Variants in CSNK1E observed in about 807,000 individuals in gnomAD.
The protein encoded by CSNK1E is casein kinase 1 epsilon.
CSNK1E carries 17 observed loss-of-function variants against 46.1 expected under a neutral mutation model. That is an observed-to-expected ratio of 0.37 (90% confidence interval 0.25 to 0.55). CSNK1E has a LOEUF of 0.55. Among genes scored for constraint, CSNK1E ranks in the 20% least tolerant of loss-of-function variants. The probability of loss-of-function intolerance (pLI) is 0.82; values close to 1 mark genes in which losing one functional copy is unlikely to be tolerated. For synonymous variants in CSNK1E, 241 were observed against 242.6 expected (o/e 0.99, Z 0.06); for missense variants, 386 against 595.4 (o/e 0.65, Z 3.66).
intron 2 of CSNK1E, among the ~76,000 whole-genome samples, chr22:38,310,316 C>A (rs1310776912): frequency 6.6e-6 from 1 of 152,182 alleles, no homozygotes; most frequent in African/African-American, 2.4e-5. Context: ...TTGGACTTGG[C>A]TGGCCCTAGA....
rs976839095 is a variant in CSNK1E at position 38,299,047 on chromosome 22, A to C, written c.737-113T>G. On this transcript the variant is annotated intron_variant, in intron 6 of 10. Transcript: ENST00000396832. The stretch of plus-strand genomic sequence containing the variant: ...TGTCCCTAGATACTTCCAATCTGTG[A>C]GAGGCAAGAAAAGGAGGCAACAGAG... 6.4e-6 allele frequency: 8 copies of C among 1,249,114 alleles called. No individual in the cohort carries two copies. The African/African-American group carries it at 1.2e-4, about 19-fold the overall frequency. 77.4% of individuals were successfully genotyped at this position (1,249,114 alleles called of 1,614,324 possible). A position where few individuals can be genotyped will look rare whatever the true frequency, so the allele number is the denominator to read the frequency against.
At chr22:38,296,276 C>T in intron 7 of CSNK1E, 1 of 1,216,832 alleles carries the variant, frequency 8.2e-7, no homozygotes. Flanking sequence ...ATCCACCCGT[C>T]ATCATATGGA....
chr22:38,299,197 C>T (rs770071233), intron 6 of CSNK1E, among the ~76,000 whole-genome samples: 8 of 152,240 alleles, frequency 5.3e-5, no homozygotes, highest in Non-Finnish European at 8.8e-5. Flanking sequence ...TAGCCGGATC[C>T]AGGAGCCATC....
Position 38,314,177 on chromosome 22 carries a change from G to C in CSNK1E, c.-12-8C>G. ...CTCCATGGCTCACTCTTGCTGCAGA[G>C]GAAGCAGGAACATGAGGGTCAGCGA... On this transcript the variant is annotated splice_region_variant and splice_polypyrimidine_tract_variant and intron_variant, in intron 1 of 10. Coordinates refer to ENST00000396832, the MANE Select transcript of CSNK1E (RefSeq NM_152221.3). The C allele has an allele frequency of 6.2e-7, 1 of 1,612,920 alleles. No homozygotes were observed. The highest frequency in any genetic ancestry group is 8.5e-7 in the Non-Finnish European group (1 of 1,179,032).
intron 2 of CSNK1E, among the ~76,000 whole-genome samples, chr22:38,313,158 C>G (rs554051080): frequency 1.3e-5 from 2 of 152,308 alleles, no homozygotes; most frequent in East Asian, 3.9e-4. Flanking sequence ...AAGTTCTGAG[C>G]TGATGGACAC....
rs563488355 is a variant in CSNK1E at position 38,293,123 on chromosome 22, T to G, written c.*32+132A>C. The G allele has an allele frequency of 1.2e-5, 9 of 766,146 alleles. No individual in the cohort carries two copies. The African/African-American group carries it at 1.4e-4, about 12-fold the overall frequency. The allele number at this position is 766,146 out of a possible 1,614,324, so 47.5% of individuals were successfully genotyped here. ...TTAAACTACTTGAGGCCCCTTAGAG[T>G]TCTGGGGCGCCTGGTACCATCTGCC... is the stretch of plus-strand genomic sequence containing the variant. On this transcript the variant is annotated intron_variant, in intron 10 of 10. Coordinates refer to ENST00000396832, the MANE Select transcript of CSNK1E (RefSeq NM_152221.3).
chr22:38,299,438 C>T (rs778754394), intron 6 of CSNK1E, among the ~76,000 whole-genome samples: 20 of 152,222 alleles, frequency 1.3e-4, no homozygotes, highest in Non-Finnish European at 2.5e-4. Flanking sequence ...ACAGGGAAAC[C>T]GGGCCTTCTG....
intron 10 of CSNK1E, 150 bp downstream of exon 10, chr22:38,293,105 A>G: frequency 1.4e-6 from 1 of 694,768 alleles, no homozygotes; most frequent in East Asian, 2.5e-5. Flanking sequence ...GTTTTAAACT[A>G]CTTGAGGCCC....
At chr22:38,306,010 T>A (rs1200557161) in intron 2 of CSNK1E, among the ~76,000 whole-genome samples, 1 of 152,136 alleles carries the variant, frequency 6.6e-6, no homozygotes, top group Non-Finnish European at 1.5e-5. Flanking sequence ...ATGTCCCTCC[T>A]GAGGGGGCTG....
rs2092669345 is a variant in CSNK1E, at chr22:38,301,034, G to A, written c.337-82C>T. 23 of 1,209,338 alleles carry A rather than the reference G, an allele frequency of 1.9e-5. No homozygotes were observed. The South Asian group carries it at 2.1e-4, about 11-fold the overall frequency. The allele number at this position is 1,209,338 out of a possible 1,614,324, so 74.9% of individuals were successfully genotyped here. A position where few individuals can be genotyped will look rare whatever the true frequency, so the allele number is the denominator to read the frequency against. ...CCAGGCAGGGGCTGGGGCCACAGAG[G>A]TGGAAAGGCAGAGGGAGAAAGGCCT... On this transcript the variant is annotated intron_variant, in intron 4 of 10. Coordinates refer to ENST00000396832, the MANE Select transcript of CSNK1E (RefSeq NM_152221.3).
intron 1 of CSNK1E, among the ~76,000 whole-genome samples, chr22:38,314,867 A>T (rs1249951969): frequency 2.0e-5 from 3 of 151,934 alleles, no homozygotes; most frequent in African/African-American, 7.2e-5. Flanking sequence ...GCCAGGGGGG[A>T]GCCCTCTGCT....
At chr22:38,297,250 G>C in intron 7 of CSNK1E, 1 of 692,816 alleles carries the variant, frequency 1.4e-6, no homozygotes, top group South Asian at 1.5e-5. Flanking sequence ...CGATAAGAAA[G>C]TGCCCAGTGC....
At chr22:38,299,698 CAG>C (rs1419904667) in intron 6 of CSNK1E, among the ~76,000 whole-genome samples, 195 bp downstream of exon 6, 2 of 152,224 alleles carry the variant, frequency 1.3e-5, no homozygotes, top group Non-Finnish European at 2.9e-5. Flanking sequence ...TTAGTAGAGA[CAG>C]GGTTTCACCA....
rs974403393 is a variant in CSNK1E, at chr22:38,294,788, T to C, written c.886-254A>G. ...GGGAGGTCAGTCTGCCCTGCTCTCC[T>C]GGGATGGAGCCAGAGAAAGGACAAC... is the stretch of plus-strand genomic sequence containing the variant. On this transcript the variant is annotated intron_variant, in intron 7 of 10. Transcript: ENST00000396832. The surrounding 1 kb of genome is among the most constrained non-coding windows in gnomAD (Gnocchi z 5.5). 2.0e-5 allele frequency among the ~76,000 whole-genome samples: 3 copies of C among 152,122 alleles called. No individual in the cohort carries two copies. The highest frequency in any genetic ancestry group is 4.4e-5 in the Non-Finnish European group (3 of 68,010).
chr22:38,315,339 A>G (rs2092739599), intron 1 of CSNK1E, among the ~76,000 whole-genome samples: 1 of 152,250 alleles, frequency 6.6e-6, no homozygotes, highest in Admixed American at 6.5e-5. Context: ...AGATCCCAGG[A>G]GAGACAGGGA....
chr22:38,296,538 A>G (rs2092641663), intron 7 of CSNK1E: 1 of 1,609,694 alleles, frequency 6.2e-7, no homozygotes, highest in East Asian at 2.2e-5. Context: ...GGTTCAGCTC[A>G]CTACAGTGGC....
Position 38,293,237 on chromosome 22 carries a change from C to T in CSNK1E, c.*32+18G>A, listed in dbSNP as rs1386211231. On this transcript the variant is annotated intron_variant, in intron 10 of 10. Coordinates refer to ENST00000396832, the MANE Select transcript of CSNK1E (RefSeq NM_152221.3). ...AGGTCGGCTGGGCTGGCTGCATCTG[C>T]AGCAGTCATGGACTCACCTAAGCAA... 1 of 1,608,340 alleles carries T rather than the reference C, an allele frequency of 6.2e-7. No individual in the cohort carries two copies. The highest frequency in any genetic ancestry group is 8.5e-7 in the Non-Finnish European group (1 of 1,175,540).
chr22:38,313,887 GCCTGGCCTGCGAGAGGAGCCC>G (rs1173329452), intron 2 of CSNK1E, among the ~76,000 whole-genome samples, 174 bp downstream of exon 2: 6 of 152,356 alleles, frequency 3.9e-5, no homozygotes, highest in Non-Finnish European at 5.9e-5. Context: ...CCAGTGCCCA[GCCTGGCCTGCGAGAGGAGCCC>G]CCTGGCCTGC....
chr22:38,303,326 T>G lies in CSNK1E; in HGVS notation c.77-78A>C. On this transcript the variant is annotated intron_variant, in intron 2 of 10. Transcript: ENST00000396832. This position sits in a 1 kb window ranked among gnomAD's most constrained non-coding sequence, Gnocchi z 4.7. ...TCCCAGGCGCCCCACTAAGCATTTC[T>G]GAGATCTGGCGTGTGCCGGGCCCGG... is the stretch of plus-strand genomic sequence containing the variant. The G allele has an allele frequency of 1.6e-6, 2 of 1,282,540 alleles. No individual in the cohort carries two copies. The highest frequency in any genetic ancestry group is 2.2e-6 in the Non-Finnish European group (2 of 929,076). 79.4% of individuals were successfully genotyped at this position (1,282,540 alleles called of 1,614,324 possible).
Sources: allele counts gnomAD v4.1 joint callset (sites outside exome capture counted in the v4.1 genomes callset), GRCh38; gene constraint gnomAD v4.1.1; non-coding constraint Gnocchi (gnomAD v3.1); transcripts MANE v1.5; gene names NCBI Gene and HGNC (gene_info 2026-07-23, HGNC 2026-07-21).